Variants in SMAD6 observed in about 807,000 individuals in gnomAD.
The protein encoded by SMAD6 is MAD homolog 6.
A neutral mutation model predicts 39.4 loss-of-function variants in SMAD6; 103 were observed. The observed-to-expected ratio is 2.62, with a 90% CI of 2.23 to 3.08. The LOEUF is 3.08. Ranked by LOEUF, SMAD6 falls within the 30% of genes most tolerant of loss-of-function variation. The pLI is 0.00. For missense variants in SMAD6, 1,104 were observed against 742.9 expected (o/e 1.49, Z -5.65); for synonymous variants, 445 against 353.3 (o/e 1.26, Z -2.91).
intron 3 of SMAD6, among the ~76,000 whole-genome samples, chr15:66,767,676 A>G (rs1236941020): frequency 1.3e-5 from 2 of 152,218 alleles, no homozygotes; most frequent in Non-Finnish European, 2.9e-5. Context: ...CTGTGCAGCA[A>G]ATATTAGTAT....
chr15:66,752,956 G>C (rs1230467354), intron 3 of SMAD6, among the ~76,000 whole-genome samples: 4 of 152,200 alleles, frequency 2.6e-5, no homozygotes, highest in Non-Finnish European at 5.9e-5. Context: ...GAAGGTACAG[G>C]GGGACAAGGG....
chr15:66,778,967 G>A (rs773825145), intron 3 of SMAD6, among the ~76,000 whole-genome samples: 21 of 152,350 alleles, frequency 1.4e-4, no homozygotes, highest in African/African-American at 4.8e-4. Context: ...TGACACACTC[G>A]TGGAATTCTT....
At chr15:66,748,769 AG>A (rs1288057245) in intron 3 of SMAD6, among the ~76,000 whole-genome samples, 2 of 152,066 alleles carry the variant, frequency 1.3e-5, no homozygotes, top group Non-Finnish European at 2.9e-5. Flanking sequence ...CAAGACTATC[AG>A]GAAAAGGAGA....
chr15:66,725,293 C>A (rs1893503330), intron 3 of SMAD6, among the ~76,000 whole-genome samples: 1 of 152,238 alleles, frequency 6.6e-6, no homozygotes, highest in Admixed American at 6.5e-5. Context: ...CCATGCCCCC[C>A]AGTCAGGACC....
chr15:66,752,020 C>T (rs12439327), intron 3 of SMAD6, among the ~76,000 whole-genome samples: 1 of 149,228 alleles, frequency 6.7e-6, no homozygotes, highest in East Asian at 2.0e-4. Flanking sequence ...CATAATAAAA[C>T]CCCCTTCATT....
intron 3 of SMAD6, among the ~76,000 whole-genome samples, chr15:66,748,782 T>A (rs1893950347): frequency 6.6e-6 from 1 of 152,142 alleles, no homozygotes; most frequent in Admixed American, 6.5e-5. Flanking sequence ...AAAAGGAGAC[T>A]CGACGGGAGT....
intron 3 of SMAD6, among the ~76,000 whole-genome samples, chr15:66,732,867 G>T (rs1893653873): frequency 6.6e-6 from 1 of 151,590 alleles, no homozygotes. Flanking sequence ...TGCTTTTTAT[G>T]TCAGTTATAT....
chr15:66,716,885 G>A, intron 3 of SMAD6: 1 of 864,334 alleles, frequency 1.2e-6, no homozygotes, highest in East Asian at 6.2e-5. Flanking sequence ...CCTCACTCCA[G>A]GGGAGGGACC....
intron 3 of SMAD6, among the ~76,000 whole-genome samples, chr15:66,777,573 C>CAAGG: frequency 6.6e-6 from 1 of 152,272 alleles, no homozygotes; most frequent in South Asian, 2.1e-4. Flanking sequence ...TGCTTGAGCT[C>CAAGG]AAGGAATATA....
intron 3 of SMAD6, among the ~76,000 whole-genome samples, chr15:66,749,152 C>T (rs992756705): frequency 1.3e-5 from 2 of 152,108 alleles, no homozygotes; most frequent in Admixed American, 1.3e-4. Flanking sequence ...TGGCAAAACC[C>T]CGTCTCTACA....
intron 3 of SMAD6, chr15:66,717,517 A>AAT (rs1167392882): frequency 2.3e-6 from 1 of 443,156 alleles, no homozygotes; most frequent in African/African-American, 2.0e-5. Context: ...ATGTACCTTC[A>AAT]ATAAATGTAT....
chr15:66,749,235 G>T (rs1461438664), intron 3 of SMAD6, among the ~76,000 whole-genome samples: 1 of 152,120 alleles, frequency 6.6e-6, no homozygotes, highest in Non-Finnish European at 1.5e-5. Context: ...CAAGGCAGGC[G>T]GATCATGAGG....
In SMAD6 at chr15:66,781,141, T is replaced by C; in HGVS notation, c.1097T>C (p.Phe366Ser). 1.2e-6 allele frequency: 2 copies of C among 1,608,546 alleles called. No individual in the cohort carries two copies. The highest frequency in any genetic ancestry group is 1.7e-6 in the Non-Finnish European group (2 of 1,179,776). The change falls in exon 4 of 4, where the codon TTC (phenylalanine) becomes TCC (serine). Residue 366 changes from phenylalanine to serine, a missense_variant. Coordinates refer to ENST00000288840, the MANE Select transcript of SMAD6 (RefSeq NM_005585.5). ...IFYDLPQGSG[F>S]CLGQLNLEQR... ...TACGACCTACCTCAGGGCAGCGGCT[T>C]CTGCCTGGGCCAGCTCAACCTGGAG...
At chr15:66,718,951 C>T (rs940160265) in intron 3 of SMAD6, among the ~76,000 whole-genome samples, 11 of 152,088 alleles carry the variant, frequency 7.2e-5, no homozygotes, top group Non-Finnish European at 1.0e-4. Context: ...TTGGGCCAGG[C>T]CGGGGCATTT....
chr15:66,773,545 C>CTAA (rs1894414886), intron 3 of SMAD6, among the ~76,000 whole-genome samples: 1 of 152,108 alleles, frequency 6.6e-6, no homozygotes, highest in South Asian at 2.1e-4. Context: ...AACTACTTAT[C>CTAA]TAATGGGCAA....
At chr15:66,764,808 T>C (rs770934889) in intron 3 of SMAD6, among the ~76,000 whole-genome samples, 3 of 152,226 alleles carry the variant, frequency 2.0e-5, no homozygotes, top group Non-Finnish European at 2.9e-5. Flanking sequence ...CATTTTGTCT[T>C]CCATCCAGCT....
intron 3 of SMAD6, among the ~76,000 whole-genome samples, chr15:66,769,047 G>C (rs558381292): frequency 2.0e-5 from 3 of 152,314 alleles, no homozygotes; most frequent in Admixed American, 6.5e-5. Flanking sequence ...GTGGTGTCTG[G>C]ATGGTTAAGC....
chr15:66,711,435 C>T (rs1893223817), intron 1 of SMAD6, among the ~76,000 whole-genome samples: 1 of 152,208 alleles, frequency 6.6e-6, no homozygotes, highest in South Asian at 2.1e-4. Flanking sequence ...AAGTAAGTTG[C>T]TTGAGGTCAC....
At chr15:66,729,849 C>G (rs1893594336) in intron 3 of SMAD6, among the ~76,000 whole-genome samples, 1 of 152,098 alleles carries the variant, frequency 6.6e-6, no homozygotes. Context: ...AAGGCGGCAC[C>G]GCGGCCGGGC....
Sources: allele counts gnomAD v4.1 joint callset (sites outside exome capture counted in the v4.1 genomes callset), GRCh38; gene constraint gnomAD v4.1.1; transcripts MANE v1.5; gene names NCBI Gene and HGNC (gene_info 2026-07-23, HGNC 2026-07-21).